Variants in KCNT2 observed in about 807,000 individuals in gnomAD.
KCNT2 encodes the protein potassium channel subfamily T member 2.
KCNT2 carries 67 observed loss-of-function variants against 153.8 expected under a neutral mutation model. That is an observed-to-expected ratio of 0.44 (90% confidence interval 0.36 to 0.53). The LOEUF is 0.53. Among genes scored for constraint, KCNT2 ranks in the 20% least tolerant of loss-of-function variants. KCNT2 has a pLI of 0.00. For synonymous variants in KCNT2, 500 were observed against 458.8 expected (o/e 1.09, Z -1.15); for missense variants, 975 against 1,354.8 (o/e 0.72, Z 4.40).
chr1:196,560,214 G>T (rs1179863861), intron 1 of KCNT2, among the ~76,000 whole-genome samples: 1 of 151,740 alleles, frequency 6.6e-6, no homozygotes, highest in Middle Eastern at 3.2e-3. Flanking sequence ...GCAGGAGACA[G>T]CCCTTAATAA....
chr1:196,257,551 C>T (rs1656623239), intron 26 of KCNT2: 1 of 924,590 alleles, frequency 1.1e-6, no homozygotes, highest in East Asian at 1.2e-4. Context: ...AAAATTCATA[C>T]ACTGATAAAT....
intron 10 of KCNT2, among the ~76,000 whole-genome samples, chr1:196,427,203 A>G (rs534113271): frequency 3.2e-4 from 49 of 152,162 alleles, no homozygotes; most frequent in Non-Finnish European, 5.4e-4. Context: ...TATGAAAACA[A>G]AAGAATAAGA....
chr1:196,229,875 A>T (rs1653798682), intron 27 of KCNT2, among the ~76,000 whole-genome samples: 1 of 152,098 alleles, frequency 6.6e-6, no homozygotes, highest in Admixed American at 6.6e-5. Flanking sequence ...GGAAGTGAAG[A>T]AGCTATGGAA....
At chr1:196,360,000 C>T (rs1667488892) in intron 14 of KCNT2, among the ~76,000 whole-genome samples, 1 of 152,008 alleles carries the variant, frequency 6.6e-6, no homozygotes, top group African/African-American at 2.4e-5. Flanking sequence ...AAGCATGGGA[C>T]TGCCAGACAA....
At chr1:196,513,434 T>A (rs899209201) in intron 1 of KCNT2, among the ~76,000 whole-genome samples, 4 of 152,196 alleles carry the variant, frequency 2.6e-5, no homozygotes, top group African/African-American at 9.6e-5. Flanking sequence ...ACACATTTGT[T>A]AATTTTAAAA....
chr1:196,574,211 A>G (rs898111482), intron 1 of KCNT2, among the ~76,000 whole-genome samples: 1 of 152,162 alleles, frequency 6.6e-6, no homozygotes, highest in African/African-American at 2.4e-5. Context: ...GTAAATATGA[A>G]AAGCTTCCTG....
chr1:196,271,824 C>T (rs955993340), intron 25 of KCNT2, among the ~76,000 whole-genome samples: 3 of 151,754 alleles, frequency 2.0e-5, no homozygotes, highest in Admixed American at 1.3e-4. Flanking sequence ...TACTTAATCA[C>T]GAGAATACTT....
intron 21 of KCNT2, among the ~76,000 whole-genome samples, chr1:196,308,325 C>T (rs140789459): frequency 6.6e-6 from 1 of 151,926 alleles, no homozygotes; most frequent in South Asian, 2.1e-4. Context: ...GCTGAGGGTG[C>T]CTGTCTCAAC....
At chr1:196,525,617 T>C (rs756741032) in intron 1 of KCNT2, among the ~76,000 whole-genome samples, 1 of 152,172 alleles carries the variant, frequency 6.6e-6, no homozygotes, top group African/African-American at 2.4e-5. Flanking sequence ...ATAATGAGGC[T>C]ATAGAAAAGA....
chr1:196,358,847 G>C (rs1420732588), intron 14 of KCNT2, among the ~76,000 whole-genome samples: 1 of 151,764 alleles, frequency 6.6e-6, no homozygotes. Context: ...CAAATAACAA[G>C]AGCCATATTT....
intron 14 of KCNT2, among the ~76,000 whole-genome samples, chr1:196,358,285 T>G (rs780764074): frequency 1.3e-4 from 19 of 151,848 alleles, no homozygotes; most frequent in Non-Finnish European, 2.4e-4. Flanking sequence ...CAACAGGTCT[T>G]TCCTCTCCAT....
At chr1:196,552,112 T>C (rs938259672) in intron 1 of KCNT2, among the ~76,000 whole-genome samples, 3 of 151,408 alleles carry the variant, frequency 2.0e-5, no homozygotes, top group Admixed American at 6.6e-5. Flanking sequence ...ACCTACAAAA[T>C]TCCAACCCCT....
chr1:196,454,022 A>AT (rs1676443773), intron 8 of KCNT2, among the ~76,000 whole-genome samples: 1 of 151,302 alleles, frequency 6.6e-6, no homozygotes, highest in Admixed American at 6.6e-5. Flanking sequence ...TTCCCTGTGT[A>AT]TTTTTCTCAG....
chr1:196,343,391 T>C (rs1159818877), intron 14 of KCNT2, among the ~76,000 whole-genome samples: 1 of 152,184 alleles, frequency 6.6e-6, no homozygotes, highest in Non-Finnish European at 1.5e-5. Flanking sequence ...TTACCTTTGC[T>C]GAATAACACT....
intron 24 of KCNT2, 151 bp downstream of exon 24, chr1:196,282,122 A>T (rs758048698): frequency 5.1e-4 from 241 of 476,526 alleles, no homozygotes; most frequent in Admixed American, 1.1e-3. Flanking sequence ...TTTTCCTTGA[A>T]ATTTTTAAAG....
intron 24 of KCNT2, 92 bp from the exon 25 acceptor site, chr1:196,281,080 G>A: frequency 2.0e-6 from 2 of 989,812 alleles, no homozygotes; most frequent in South Asian, 3.0e-5. Flanking sequence ...TATTTTTGTG[G>A]GGGGCAGGGT....
intron 12 of KCNT2, among the ~76,000 whole-genome samples, chr1:196,422,245 T>C (rs1025643965): frequency 2.6e-5 from 4 of 152,024 alleles, no homozygotes; most frequent in African/African-American, 9.7e-5. Flanking sequence ...AGTATGCCTA[T>C]TAAGTGCTCC....
At chr1:196,351,785 T>A (rs575269676) in intron 14 of KCNT2, among the ~76,000 whole-genome samples, 1 of 152,316 alleles carries the variant, frequency 6.6e-6, no homozygotes, top group African/African-American at 2.4e-5. Context: ...CTTGTACCAG[T>A]TTTCAAAGGG....
intron 13 of KCNT2, among the ~76,000 whole-genome samples, chr1:196,382,082 AATTTATTTATTTATTTATTT>A (rs547804260): frequency 5.6e-5 from 8 of 143,250 alleles, no homozygotes; most frequent in African/African-American, 1.8e-4. Context: ...TGTTTAACCA[AATTTATTTATTTATTTATTT>A]ATTTATTTAT....
Sources: gnomAD v4.1 joint callset for allele counts (sites outside exome capture counted in the v4.1 genomes callset) on GRCh38, gnomAD v4.1.1 for gene constraint, MANE v1.5 for transcripts, NCBI Gene and HGNC (gene_info 2026-07-23, HGNC 2026-07-21) for gene names.